The following MAGI2 variants were observed in gnomAD, a reference collection of about 807,000 sequenced individuals.
MAGI2 encodes the protein membrane-associated guanylate kinase, WW and PDZ domain-containing protein 2.
A neutral mutation model predicts 133.3 loss-of-function variants in MAGI2; 35 were observed. The observed-to-expected ratio is 0.26, with a 90% CI of 0.20 to 0.35. The LOEUF (loss-of-function observed/expected upper bound fraction) is 0.35. MAGI2 is among the 10% of genes least tolerant of loss of function. The pLI is 1.00. For synonymous variants in MAGI2, 729 were observed against 710.6 expected, an observed-to-expected ratio of 1.03 and a Z score of -0.41; for missense variants, 1,636 against 1,863.4, an observed-to-expected ratio of 0.88 and a Z score of 2.25.
chr7:78,462,600 T>C lies in MAGI2; in HGVS notation c.1045+27161A>G, dbSNP rs1020444491. Among the ~76,000 whole-genome samples, 4 of 152,358 alleles carry C rather than the reference T, an allele frequency of 2.6e-5. No homozygotes were observed. In the South Asian group the frequency reaches 6.2e-4, roughly 24 times the overall value. The stretch of plus-strand genomic sequence containing the variant: ...AGAAGGTGCCTCTGATTTCACTGGC[T>C]GATTTAGTGGAAGCAAATCAATGAA... On this transcript the variant is annotated intron_variant, in intron 6 of 21. Coordinates refer to ENST00000354212, the MANE Select transcript of MAGI2 (RefSeq NM_012301.4).
chr7:78,260,027 T>C (rs557404022), intron 9 of MAGI2, among the ~76,000 whole-genome samples: 1 of 152,310 alleles, frequency 6.6e-6, no homozygotes, highest in African/African-American at 2.4e-5. Context: ...AATATCTTTA[T>C]GAAGATACGT....
intron 16 of MAGI2, among the ~76,000 whole-genome samples, chr7:78,139,835 G>A (rs760472277): frequency 1.3e-5 from 2 of 152,128 alleles, no homozygotes; most frequent in Admixed American, 6.5e-5. Context: ...GCTTTTCTAT[G>A]TCTTTATTCC....
chr7:79,319,864 C>T (rs1839036069), intron 1 of MAGI2, among the ~76,000 whole-genome samples: 1 of 152,130 alleles, frequency 6.6e-6, no homozygotes, highest in African/African-American at 2.4e-5. Context: ...ACCCACGTTT[C>T]CCAGGAAGAT....
intron 2 of MAGI2, among the ~76,000 whole-genome samples, chr7:78,634,136 T>G (rs1169421616): frequency 6.6e-6 from 1 of 152,208 alleles, no homozygotes; most frequent in Non-Finnish European, 1.5e-5. Flanking sequence ...TGTTTGAGTA[T>G]GAAAAAAACA....
intron 6 of MAGI2, among the ~76,000 whole-genome samples, chr7:78,393,667 G>A (rs1173256990): frequency 6.6e-6 from 1 of 152,214 alleles, no homozygotes; most frequent in Non-Finnish European, 1.5e-5. Context: ...ACAGTAGGTA[G>A]AGAGAGAAAA....
chr7:78,672,271 C>G (rs1016032921), intron 2 of MAGI2, among the ~76,000 whole-genome samples: 4 of 152,052 alleles, frequency 2.6e-5, no homozygotes, highest in South Asian at 2.1e-4. Context: ...GGGACCTCCC[C>G]CCTCTCTCTC....
intron 1 of MAGI2, among the ~76,000 whole-genome samples, chr7:79,363,218 T>G (rs1375257174): frequency 6.9e-6 from 1 of 145,898 alleles, no homozygotes; most frequent in South Asian, 2.2e-4. Flanking sequence ...AATGAAATTC[T>G]TAGGTATACA....
chr7:78,439,700 A>G (rs376798891), intron 6 of MAGI2, among the ~76,000 whole-genome samples: 1 of 152,216 alleles, frequency 6.6e-6, no homozygotes, highest in East Asian at 1.9e-4. Flanking sequence ...AATTCTGCCT[A>G]TTTTAGAACT....
chr7:79,345,042 C>T (rs1291536296), intron 1 of MAGI2, among the ~76,000 whole-genome samples: 4 of 152,070 alleles, frequency 2.6e-5, no homozygotes, highest in African/African-American at 9.7e-5. Context: ...CTATTTAATA[C>T]ATATTGTTAT....
In MAGI2 at chr7:79,133,018, C is replaced by A. The variant is rs1378932797; in HGVS notation, c.302-125812G>T. On this transcript the variant is annotated intron_variant, in intron 1 of 21. Transcript: ENST00000354212. ...GGATATTTGTTTTTTCTTGATGATT[C>A]ACTGGAGTTCCTTGTAGATTCTGCT... Among the ~76,000 whole-genome samples, 3 of 151,776 alleles carry A rather than the reference C, an allele frequency of 2.0e-5. No individual in the cohort carries two copies. The South Asian group carries it at 6.2e-4, about 32-fold the overall frequency.
chr7:78,371,357 G>C (rs561248942), intron 6 of MAGI2, among the ~76,000 whole-genome samples: 1 of 151,686 alleles, frequency 6.6e-6, no homozygotes, highest in Non-Finnish European at 1.5e-5. Context: ...AATATGGTTC[G>C]ATACATGGAT....
Position 78,438,732 on chromosome 7 carries a change from T to C in MAGI2, c.1045+51029A>G, listed in dbSNP as rs147409611. Among the ~76,000 whole-genome samples, 71 of 152,270 alleles carry C rather than the reference T, an allele frequency of 4.7e-4. 2 individuals are homozygous for C. The highest frequency in any genetic ancestry group is 8.8e-5 in the Non-Finnish European group (6 of 68,028). Reference sequence around the variant, plus strand: ...ACTTGCTGCACCTGTAGTTCTGCTTTGCAAGGCACAGAAATGGATTTTCTC... The same window carrying C: ...ACTTGCTGCACCTGTAGTTCTGCTTCGCAAGGCACAGAAATGGATTTTCTC... On this transcript the variant is annotated intron_variant, in intron 6 of 21. Transcript: ENST00000354212.
chr7:78,293,399 C>T (rs1277909771), intron 9 of MAGI2, among the ~76,000 whole-genome samples: 1 of 152,180 alleles, frequency 6.6e-6, no homozygotes, highest in Non-Finnish European at 1.5e-5. Context: ...CATCTCACAC[C>T]AGTTAGAATG....
At chr7:78,364,223 T>C (rs1431204113) in intron 7 of MAGI2, among the ~76,000 whole-genome samples, 1 of 152,236 alleles carries the variant, frequency 6.6e-6, no homozygotes, top group African/African-American at 2.4e-5. Flanking sequence ...TTCTTTTATG[T>C]TTATTTCTAA....
chr7:78,788,160 T>C (rs552709716), intron 2 of MAGI2, among the ~76,000 whole-genome samples: 116 of 152,336 alleles, frequency 7.6e-4, no homozygotes, highest in African/African-American at 2.7e-3. Flanking sequence ...TCCAATCACG[T>C]GCTTTGGGAA....
intron 1 of MAGI2, among the ~76,000 whole-genome samples, chr7:79,154,102 G>A: frequency 6.6e-6 from 1 of 152,076 alleles, no homozygotes; most frequent in East Asian, 1.9e-4. Context: ...GACTTATAAA[G>A]GACCATTTAC....
intron 2 of MAGI2, among the ~76,000 whole-genome samples, chr7:78,747,588 T>C (rs1032972384): frequency 1.3e-5 from 2 of 152,168 alleles, no homozygotes; most frequent in Non-Finnish European, 2.9e-5. Flanking sequence ...AATATCCTAA[T>C]ACTGCTCCTC....
chr7:78,330,121 G>T, intron 9 of MAGI2, among the ~76,000 whole-genome samples: 1 of 152,030 alleles, frequency 6.6e-6, no homozygotes, highest in East Asian at 1.9e-4. Context: ...ATTCATAATG[G>T]CTACCATTTC....
intron 1 of MAGI2, among the ~76,000 whole-genome samples, chr7:79,028,643 T>C (rs1810265436): frequency 6.6e-6 from 1 of 152,098 alleles, no homozygotes; most frequent in African/African-American, 2.4e-5. Flanking sequence ...CCTAATATAA[T>C]TTTTATCTTT....
Sources: allele counts gnomAD v4.1 joint callset (sites outside exome capture counted in the v4.1 genomes callset), GRCh38; gene constraint gnomAD v4.1.1; transcripts MANE v1.5; gene names NCBI Gene and HGNC (gene_info 2026-07-23, HGNC 2026-07-21).